URGCP: variants seen among roughly 807,000 people sequenced by gnomAD.
The protein encoded by URGCP is upregulator of cell proliferation.
In URGCP, 13 loss-of-function variants were observed where a neutral mutation model predicts 24.6. The observed-to-expected ratio is 0.53, with a 90% CI of 0.34 to 0.84. URGCP has a LOEUF of 0.84. Among genes scored for constraint, URGCP ranks in the 40% least tolerant of loss-of-function variants. URGCP has a pLI of 0.01. For missense variants in URGCP, 899 were observed against 1,194.3 expected, an observed-to-expected ratio of 0.75 and a Z score of 3.64; for synonymous variants, 444 against 487.2, an observed-to-expected ratio of 0.91 and a Z score of 1.17.
rs748112781 is a variant in URGCP at position 43,877,396 on chromosome 7, C to T, written c.2067G>A (p.Arg689=). The T allele has an allele frequency of 5.6e-6, 9 of 1,613,170 alleles. No individual in the cohort carries two copies. In the African/African-American group the frequency reaches 6.7e-5, roughly 12 times the overall value. Residue 689 remains arginine (R), a synonymous_variant, in exon 6 of 6, where the codon CGG becomes CGA. Transcript: ENST00000453200. ...CGGTTGACAGAACCACCAGCCTTGA[C>T]CGTCTCTCCAGTCGGACGTGCAGCT... ...LKELHVRLER[R]SRLVVLSTVG...
intron 1 of URGCP, among the ~76,000 whole-genome samples, chr7:43,896,128 G>A (rs2132688848): frequency 6.6e-6 from 1 of 152,310 alleles, no homozygotes; most frequent in Non-Finnish European, 1.5e-5. Flanking sequence ...AAAATTGAGT[G>A]AATGGAAGTA....
chr7:43,897,230 A>ATAAT (rs2095880148), intron 1 of URGCP, among the ~76,000 whole-genome samples: 1 of 151,966 alleles, frequency 6.6e-6, no homozygotes, highest in Non-Finnish European at 1.5e-5. Context: ...AAATAAATAA[A>ATAAT]AATTTAAAAG....
chr7:43,909,832 CAGG>C (rs1246791508), upstream of URGCP, among the ~76,000 whole-genome samples: 2 of 152,022 alleles, frequency 1.3e-5, no homozygotes, highest in Admixed American at 1.3e-4. Context: ...CACTTGAGGC[CAGG>C]AGTTCAAGAC....
In URGCP at chr7:43,877,149, C is replaced by T. The variant is rs759714214; in HGVS notation, c.2314G>A (p.Ala772Thr). 3 of 1,614,212 alleles carry T rather than the reference C, an allele frequency of 1.9e-6. No individual in the cohort carries two copies. In the Admixed American group the frequency reaches 5.0e-5, roughly 27 times the overall value. ...TSAGDRFELE[A>T]SLATLLMGLS... ...CCCATGAGCAGAGTGGCCAAGGAAG[C>T]CTCCAGCTCAAATCTGTCCCCAGCT... Residue 772 changes from alanine (A) to threonine (T), a missense_variant, in exon 6 of 6, where the codon GCT becomes ACT. By Grantham distance (58) the Ala-to-Thr change is moderately conservative. Transcript: ENST00000453200.
At chr7:43,909,113 T>C (rs777977637), upstream of URGCP, among the ~76,000 whole-genome samples, 2 of 152,034 alleles carry the variant, frequency 1.3e-5, no homozygotes, top group East Asian at 1.9e-4. Context: ...TTTTGAAGAG[T>C]TGAATTTCTA....
intron 3 of URGCP, among the ~76,000 whole-genome samples, 164 bp downstream of exon 3, chr7:43,887,251 T>G (rs2095863526): frequency 6.6e-6 from 1 of 152,216 alleles, no homozygotes; most frequent in African/African-American, 2.4e-5. Flanking sequence ...TAAAAGACCC[T>G]TAGATGGAAT....
chr7:43,922,472 C>T (rs1585843256), intron 1 of URGCP, among the ~76,000 whole-genome samples: 1 of 152,230 alleles, frequency 6.6e-6, no homozygotes, highest in South Asian at 2.1e-4. Context: ...TTTGTCAACA[C>T]TTGTTGTCTG....
At chr7:43,917,021 C>A (rs961511920) in intron 1 of URGCP, among the ~76,000 whole-genome samples, 2 of 152,132 alleles carry the variant, frequency 1.3e-5, no homozygotes, top group African/African-American at 4.8e-5. Context: ...TGTCCCCATG[C>A]TGTGGGATGC....
At chr7:43,899,227 T>TTA (rs961059896) in intron 1 of URGCP, among the ~76,000 whole-genome samples, 2 of 147,484 alleles carry the variant, frequency 1.4e-5, no homozygotes, top group African/African-American at 2.5e-5. Flanking sequence ...ATATTTATAT[T>TTA]TATATATATA....
chr7:43,886,432 G>T (rs2095862257), intron 3 of URGCP, among the ~76,000 whole-genome samples: 2 of 151,734 alleles, frequency 1.3e-5, no homozygotes, highest in South Asian at 4.2e-4. Flanking sequence ...ATTTTAAGAA[G>T]AACCTAATTT....
intron 1 of URGCP, among the ~76,000 whole-genome samples, chr7:43,900,110 A>C (rs2095887226): frequency 6.6e-6 from 1 of 151,290 alleles, no homozygotes; most frequent in Non-Finnish European, 1.5e-5. Flanking sequence ...TTGCCATTGC[A>C]CTCCAGCCTG....
chr7:43,896,645 C>A (rs892081738), intron 1 of URGCP, among the ~76,000 whole-genome samples: 2 of 151,994 alleles, frequency 1.3e-5, no homozygotes, highest in African/African-American at 4.8e-5. Flanking sequence ...TAAAACACAG[C>A]CTTAATTCTC....
chr7:43,907,924 T>C (rs2095905930), upstream of URGCP, among the ~76,000 whole-genome samples: 1 of 152,130 alleles, frequency 6.6e-6, no homozygotes, highest in African/African-American at 2.4e-5. Flanking sequence ...GCTCTGTAAA[T>C]GGGAGCTGAT....
chr7:43,919,998 T>A (rs1009505915), intron 1 of URGCP: 8 of 1,337,412 alleles, frequency 6.0e-6, no homozygotes, highest in Admixed American at 1.7e-5. Context: ...CAGCAGCTCA[T>A]GGATGAGTAC....
At chr7:43,905,726 G>A (rs910524558) in intron 1 of URGCP, 5 of 152,062 alleles carry the variant, frequency 3.3e-5, no homozygotes, top group Non-Finnish European at 2.9e-5. Context: ...CAACTAAAGC[G>A]ATGACCTTGA....
intron 1 of URGCP, among the ~76,000 whole-genome samples, chr7:43,916,036 G>A (rs576830480): frequency 1.3e-5 from 2 of 151,998 alleles, no homozygotes; most frequent in African/African-American, 4.8e-5. Flanking sequence ...TCTCCCTGTT[G>A]GAGAAACTCA....
rs1562571042 is a variant in URGCP at position 43,877,948 on chromosome 7, G to A, written c.1515C>T (p.Ala505=). The A allele has an allele frequency of 6.2e-7, 1 of 1,613,984 alleles. No individual in the cohort carries two copies. The highest frequency in any genetic ancestry group is 1.3e-5 in the African/African-American group (1 of 74,906). Residue 505 remains alanine (A), a synonymous_variant, in exon 6 of 6, where the codon GCC becomes GCT. Transcript: ENST00000453200. The part of the protein sequence containing the change: ...RLQGDPWRKA[A]QVEKEFCQLQ... The stretch of plus-strand genomic sequence containing the variant: ...GCTGGCAGAACTCCTTCTCCACTTG[G>A]GCTGCCTTTCTCCAGGGGTCCCCCT...
chr7:43,891,445 A>T (rs1371256063), intron 1 of URGCP, among the ~76,000 whole-genome samples: 1 of 150,074 alleles, frequency 6.7e-6, no homozygotes, highest in African/African-American at 2.5e-5. Flanking sequence ...CATAAGCTGT[A>T]AGTCTGCCTT....
upstream of URGCP, among the ~76,000 whole-genome samples, chr7:43,909,795 C>A (rs1562588394): frequency 6.6e-6 from 1 of 152,070 alleles, no homozygotes; most frequent in Non-Finnish European, 1.5e-5. Context: ...GTAATCCCAG[C>A]ACTTTGGGAG....
Sources: allele counts gnomAD v4.1 joint callset (sites outside exome capture counted in the v4.1 genomes callset), GRCh38; gene constraint gnomAD v4.1.1; transcripts MANE v1.5; gene names NCBI Gene and HGNC (gene_info 2026-07-23, HGNC 2026-07-21).